The following DPP6 variants were observed in gnomAD, a reference collection of about 807,000 sequenced individuals.
The protein encoded by DPP6 is dipeptidyl peptidase like 6.
A neutral mutation model predicts 122.6 loss-of-function variants in DPP6; 69 were observed. The ratio of observed to expected loss-of-function variants is 0.56; its 90% confidence interval spans 0.46 to 0.69. DPP6 has a LOEUF of 0.69. Ranked by LOEUF, DPP6 falls within the 30% of genes least tolerant of loss-of-function variation. The probability of loss-of-function intolerance (pLI) is 0.00; values close to 1 mark genes in which losing one functional copy is unlikely to be tolerated. For synonymous variants in DPP6, 418 were observed against 433.1 expected (o/e 0.97, Z 0.43); for missense variants, 928 against 1,116.9 (o/e 0.83, Z 2.41).
At chr7:154,499,908 A>G (rs1825081709) in intron 3 of DPP6, among the ~76,000 whole-genome samples, 1 of 152,174 alleles carries the variant, frequency 6.6e-6, no homozygotes, top group Non-Finnish European at 1.5e-5. Context: ...TCGTGAAAGG[A>G]TACAGAACAA....
At position 154,892,622 on chromosome 7, in the gene DPP6, G is replaced by C. The variant is rs1806717643; in HGVS notation, c.*142G>C. The C allele has an allele frequency of 6.6e-7, 1 of 1,506,112 alleles. No homozygotes were observed. The highest frequency in any genetic ancestry group is 1.4e-5 in the African/African-American group (1 of 72,836). 93.3% of individuals were successfully genotyped at this position (1,506,112 alleles called of 1,614,324 possible). ...TAGCATGTGTGTCTCGGATGCGGAAGGCAGTTTTGCTTGGGAAACAAGCTC... is the reference window on the plus strand; with the variant it reads ...TAGCATGTGTGTCTCGGATGCGGAACGCAGTTTTGCTTGGGAAACAAGCTC... On this transcript the variant is annotated 3_prime_UTR_variant, in exon 26 of 26. Coordinates refer to ENST00000377770, the MANE Select transcript of DPP6 (RefSeq NM_130797.4).
chr7:154,665,482 AC>A lies in DPP6; in HGVS notation c.681-3874del, dbSNP rs1246193271. ...GTTAGCTTTCATGTTCTCTCAATAAACCCCTATTTTTTTAGTATTCCATTGC... is the reference window on the plus strand; with the variant it reads ...GTTAGCTTTCATGTTCTCTCAATAAACCCTATTTTTTTAGTATTCCATTGC... On this transcript the variant is annotated intron_variant, in intron 6 of 25. Coordinates refer to ENST00000377770, the MANE Select transcript of DPP6 (RefSeq NM_130797.4). 2.6e-5 allele frequency among the ~76,000 whole-genome samples: 4 copies of A among 152,044 alleles called. No homozygotes were observed. The East Asian group carries it at 5.8e-4, about 22-fold the overall frequency.
chr7:153,955,142 T>A (rs960027280), intron 1 of DPP6, among the ~76,000 whole-genome samples: 5 of 152,170 alleles, frequency 3.3e-5, no homozygotes, highest in Non-Finnish European at 7.3e-5. Flanking sequence ...TTGTTATAGA[T>A]AAGATGGAGG....
At position 154,129,724 on chromosome 7, in the gene DPP6, C is replaced by T. The variant is rs138851324; in HGVS notation, c.243+76661C>T. Among the ~76,000 whole-genome samples, 744 of 152,102 alleles carry T rather than the reference C, an allele frequency of 4.9e-3. 5 individuals carry two copies. Among genetic ancestry groups the T allele is most frequent in the African/African-American group, 0.017 (710 of 41,486 alleles). ...ACCATCCTGGCTAACACAGTGAAAC[C>T]CTGTCTCTGCTAAAAAGACAAAACA... On this transcript the variant is annotated intron_variant, in intron 1 of 25. Transcript: ENST00000377770.
chr7:154,344,059 G>C (rs970212192), intron 1 of DPP6, among the ~76,000 whole-genome samples: 3 of 152,072 alleles, frequency 2.0e-5, no homozygotes, highest in Non-Finnish European at 4.4e-5. Context: ...AAAGAACCAT[G>C]ACATGGCAGA....
At chr7:153,955,833 CTCAG>C (rs1254234034) in intron 1 of DPP6, among the ~76,000 whole-genome samples, 2 of 152,018 alleles carry the variant, frequency 1.3e-5, no homozygotes, top group Non-Finnish European at 2.9e-5. Flanking sequence ...GGGATTTGAA[CTCAG>C]TAAGTATGAT....
At chr7:154,543,791 C>G (rs373052779) in intron 4 of DPP6, among the ~76,000 whole-genome samples, 4 of 151,780 alleles carry the variant, frequency 2.6e-5, no homozygotes, top group Non-Finnish European at 5.9e-5. Context: ...GTCAGGAGTT[C>G]GAGACCAGCA....
At chr7:154,125,164 G>A (rs959792257) in intron 1 of DPP6, among the ~76,000 whole-genome samples, 1 of 152,178 alleles carries the variant, frequency 6.6e-6, no homozygotes, top group African/African-American at 2.4e-5. Flanking sequence ...AACCAGATCA[G>A]GGCACACGAA....
At chr7:154,221,392 C>T (rs372381924) in intron 1 of DPP6, among the ~76,000 whole-genome samples, 3 of 152,232 alleles carry the variant, frequency 2.0e-5, no homozygotes, top group East Asian at 1.9e-4. Context: ...CCACCCACTT[C>T]GGCCTCCCAA....
chr7:154,536,684 A>G (rs973789238), intron 3 of DPP6, among the ~76,000 whole-genome samples: 1 of 152,196 alleles, frequency 6.6e-6, no homozygotes, highest in African/African-American at 2.4e-5. Context: ...AGATAGCAAG[A>G]TGTACTACAA....
intron 3 of DPP6, among the ~76,000 whole-genome samples, chr7:154,535,598 A>G (rs1334410161): frequency 6.6e-6 from 1 of 152,006 alleles, no homozygotes; most frequent in African/African-American, 2.4e-5. Context: ...AGAATAAGGA[A>G]AGCCACACCC....
At chr7:154,244,586 G>A (rs1244017550) in intron 1 of DPP6, among the ~76,000 whole-genome samples, 2 of 152,104 alleles carry the variant, frequency 1.3e-5, no homozygotes, top group Non-Finnish European at 2.9e-5. Context: ...GAATTAAACT[G>A]TTATAAATGT....
intron 1 of DPP6, among the ~76,000 whole-genome samples, chr7:154,023,443 T>C (rs1337748243): frequency 6.6e-6 from 1 of 151,666 alleles, no homozygotes. Context: ...TACAGGACTT[T>C]GCCATTCGGT....
At chr7:153,792,394 A>G in the DPP6 span, among the ~76,000 whole-genome samples, 1 of 152,356 alleles carries the variant, frequency 6.6e-6, no homozygotes, top group East Asian at 1.9e-4. Flanking sequence ...TAGTTTCAGC[A>G]ATAGTTTGAC....
intron 1 of DPP6, among the ~76,000 whole-genome samples, chr7:154,201,832 T>C (rs1799189944): frequency 6.6e-6 from 1 of 152,226 alleles, no homozygotes; most frequent in Non-Finnish European, 1.5e-5. Flanking sequence ...TAAACACATG[T>C]CCTGAAACCA....
intron 6 of DPP6, among the ~76,000 whole-genome samples, chr7:154,652,202 C>T (rs1361381847): frequency 6.6e-6 from 1 of 152,184 alleles, no homozygotes; most frequent in Non-Finnish European, 1.5e-5. Context: ...TGGAACACAT[C>T]CTCGCCTGCA....
intron 8 of DPP6, among the ~76,000 whole-genome samples, chr7:154,742,610 A>T (rs1842864381): frequency 6.6e-6 from 1 of 152,220 alleles, no homozygotes; most frequent in South Asian, 2.1e-4. Context: ...TAATGTGAGC[A>T]TTTCCTGATA....
chr7:153,817,582 T>A, the DPP6 span, among the ~76,000 whole-genome samples: 1 of 151,872 alleles, frequency 6.6e-6, no homozygotes, highest in Non-Finnish European at 1.5e-5. Context: ...TGGAATACTA[T>A]GCAGCCATCA....
intron 8 of DPP6, among the ~76,000 whole-genome samples, chr7:154,751,431 C>T (rs1367036769): frequency 1.4e-5 from 2 of 147,550 alleles, no homozygotes; most frequent in Non-Finnish European, 3.0e-5. Context: ...AAAACCCTGT[C>T]TCTCCTAAAA....
Sources: allele counts gnomAD v4.1 joint callset (sites outside exome capture counted in the v4.1 genomes callset), GRCh38; gene constraint gnomAD v4.1.1; transcripts MANE v1.5; gene names NCBI Gene and HGNC (gene_info 2026-07-23, HGNC 2026-07-21).